The following ZC3H18 variants were observed in gnomAD, a reference collection of about 807,000 sequenced individuals.
The protein encoded by ZC3H18 is zinc finger CCCH domain-containing protein 18.
ZC3H18 carries 8 observed loss-of-function variants against 106.1 expected under a neutral mutation model. The ratio of observed to expected loss-of-function variants is 0.08; its 90% CI spans 0.04 to 0.14. ZC3H18 has a LOEUF of 0.14. ZC3H18 is among the 10% of genes least tolerant of loss of function. The pLI is 1.00. For missense variants in ZC3H18, 1,318 were observed against 1,278.4 expected, an observed-to-expected ratio of 1.03 and a Z score of -0.47; for synonymous variants, 635 against 522.1, an observed-to-expected ratio of 1.22 and a Z score of -2.95.
intron 8 of ZC3H18, among the ~76,000 whole-genome samples, chr16:88,614,718 G>A (rs912543526): frequency 7.2e-5 from 11 of 152,218 alleles, no homozygotes; most frequent in African/African-American, 2.2e-4. Context: ...TCATCCAAAC[G>A]GGGAAACCGT....
At chr16:88,630,077 C>G (rs8062710) in intron 16 of ZC3H18, 96,581 of 172,192 alleles carry the variant, frequency 0.56, 27,740 homozygotes, top group African/African-American at 0.62. Context: ...GTGGCCCCCC[C>G]CTCGGTTGCC....
At chr16:88,598,051 A>T in intron 3 of ZC3H18, 127 bp from the exon 4 acceptor site, 1 of 587,926 alleles carries the variant, frequency 1.7e-6, no homozygotes, top group Non-Finnish European at 2.8e-6. Flanking sequence ...AGTTCCCACT[A>T]CTGTGTGGCT....
At position 88,587,675 on chromosome 16, in the gene ZC3H18, G is replaced by T. The variant is rs1278145799; in HGVS notation, c.688+991G>T. 24 of 1,427,374 alleles carry T rather than the reference G, an allele frequency of 1.7e-5. 1 individual carries two copies. In the Middle Eastern group the frequency reaches 6.9e-4, roughly 41 times the overall value. The allele number at this position is 1,427,374 out of a possible 1,614,324, so 88.4% of individuals were successfully genotyped here. Reference sequence around the variant, plus strand: ...TAAAGTCCCCCTACTCCAGAGGCCAGACTTCCTTCTCCTGGATCCAGAACA... The same window carrying T: ...TAAAGTCCCCCTACTCCAGAGGCCATACTTCCTTCTCCTGGATCCAGAACA... On this transcript the variant is annotated intron_variant, in intron 3 of 17. Transcript: ENST00000301011.
At chr16:88,609,172 C>G (rs1256221772) in intron 7 of ZC3H18, 121 bp downstream of exon 7, 6 of 690,410 alleles carry the variant, frequency 8.7e-6, no homozygotes, top group African/African-American at 1.8e-5. Flanking sequence ...CACAATGTAC[C>G]AATTTGAAAA....
chr16:88,577,240 C>T lies in ZC3H18; in HGVS notation c.117C>T (p.Asp39=), dbSNP rs770435213. Residue 39 remains aspartate (D), a synonymous_variant, in exon 2 of 18, where the codon GAC becomes GAT. Transcript: ENST00000301011. ...LRDSGSDQDL[D]GAGVRASDLE... ...ACAGCGGGTCCGATCAGGATTTGGA[C>T]GGGGCGGGGGTGAGGGCTTCTGATC... is the stretch of plus-strand genomic sequence containing the variant. 1.6e-5 allele frequency: 26 copies of T among 1,611,760 alleles called. No homozygotes were observed. The highest frequency in any genetic ancestry group is 1.3e-4 in the Admixed American group (8 of 59,566).
chr16:88,578,066 C>T (rs893921070), intron 2 of ZC3H18, among the ~76,000 whole-genome samples: 10 of 152,164 alleles, frequency 6.6e-5, no homozygotes, highest in Non-Finnish European at 1.2e-4. Flanking sequence ...TTGTCTTTGC[C>T]GTCTTCAAGT....
chr16:88,607,256 C>T (rs1303289630), intron 6 of ZC3H18, among the ~76,000 whole-genome samples: 4 of 152,194 alleles, frequency 2.6e-5, no homozygotes, highest in African/African-American at 4.8e-5. Flanking sequence ...TCATGTGCTG[C>T]GATGGCACTG....
At chr16:88,624,092 G>A (rs1354133786) in intron 11 of ZC3H18, 30 bp downstream of exon 11, 1 of 1,605,788 alleles carries the variant, frequency 6.2e-7, no homozygotes, top group Non-Finnish European at 8.5e-7. Flanking sequence ...GCAAGTCCTG[G>A]CCGGCCAGGC....
intron 5 of ZC3H18, among the ~76,000 whole-genome samples, chr16:88,598,916 A>G (rs113559156): frequency 0.04 from 6,030 of 152,098 alleles, 182 homozygotes; most frequent in African/African-American, 0.08. Context: ...CTGGAGTGCA[A>G]TGGCCCAAAC....
chr16:88,575,955 C>T (rs972961164), intron 1 of ZC3H18, among the ~76,000 whole-genome samples: 4 of 152,148 alleles, frequency 2.6e-5, no homozygotes, highest in African/African-American at 9.7e-5. Flanking sequence ...GGCTGGAGTG[C>T]GGTGGCGCGA....
rs1258344983 is a variant in ZC3H18 at position 88,570,507 on chromosome 16, C to T, written c.-74C>T. On this transcript the variant is annotated 5_prime_UTR_variant, in exon 1 of 18. Transcript: ENST00000301011. ...GAAGAGCGGAAGGGCCAAGGGACGT[C>T]TTCTCCACGCCGCTCCGACTCCAGG... 6.6e-6 allele frequency: 1 copy of T among 152,008 alleles called. No homozygotes were observed. Among genetic ancestry groups the T allele is most frequent in the Non-Finnish European group, 1.5e-5 (1 of 67,986 alleles). The allele number at this position is 152,008 out of a possible 1,614,324, so 9.4% of individuals were successfully genotyped here. A position where few individuals can be genotyped will look rare whatever the true frequency, so the allele number is the denominator to read the frequency against.
chr16:88,580,667 C>G (rs944485960), intron 2 of ZC3H18, among the ~76,000 whole-genome samples: 1 of 152,104 alleles, frequency 6.6e-6, no homozygotes, highest in Non-Finnish European at 1.5e-5. Context: ...ATTCCTGCCC[C>G]GCGCCCTGCT....
chr16:88,629,658 G>A (rs1393850770), intron 16 of ZC3H18, among the ~76,000 whole-genome samples: 1 of 152,200 alleles, frequency 6.6e-6, no homozygotes, highest in African/African-American at 2.4e-5. Context: ...GGCAGATAGT[G>A]TCTATATTAC....
chr16:88,625,653 C>T (rs75840745), intron 13 of ZC3H18: 4,690 of 211,126 alleles, frequency 0.022, 206 homozygotes, highest in African/African-American at 0.094. Flanking sequence ...TCGAGGGAAC[C>T]GGCCTGAGGG....
chr16:88,590,564 C>CTTTCTTT (rs1555534142), intron 3 of ZC3H18, among the ~76,000 whole-genome samples: 8 of 100,672 alleles, frequency 7.9e-5, no homozygotes, highest in African/African-American at 3.1e-4. Flanking sequence ...TTCTTTATTT[C>CTTTCTTT]TTTTTTTTTT....
At chr16:88,575,120 T>C (rs1015611208) in intron 1 of ZC3H18, among the ~76,000 whole-genome samples, 1 of 151,670 alleles carries the variant, frequency 6.6e-6, no homozygotes, top group African/African-American at 2.4e-5. Context: ...TGAGCCACCG[T>C]GCCCGGCCTC....
At chr16:88,598,771 G>A in intron 5 of ZC3H18, 59 bp downstream of exon 5, 1 of 1,511,666 alleles carries the variant, frequency 6.6e-7, no homozygotes, top group South Asian at 1.2e-5. Context: ...AGTGGTTCTT[G>A]ACAAAACTGG....
intron 7 of ZC3H18, 94 bp from the exon 8 acceptor site, chr16:88,611,174 C>T (rs767449426): frequency 1.3e-5 from 9 of 693,390 alleles, no homozygotes; most frequent in Non-Finnish European, 2.4e-5. Context: ...TTCTGTGACA[C>T]AGACAGATCG....
intron 8 of ZC3H18, among the ~76,000 whole-genome samples, chr16:88,612,271 A>G (rs1905313501): frequency 6.6e-6 from 1 of 152,178 alleles, no homozygotes; most frequent in Admixed American, 6.5e-5. Flanking sequence ...AATATAATTA[A>G]TGGACGCTGC....
Sources: allele counts gnomAD v4.1 joint callset (sites outside exome capture counted in the v4.1 genomes callset), GRCh38; gene constraint gnomAD v4.1.1; transcripts MANE v1.5; gene names NCBI Gene and HGNC (gene_info 2026-07-23, HGNC 2026-07-21).